CAMSAP2: variants seen among roughly 807,000 people sequenced by gnomAD.
CAMSAP2 encodes calmodulin regulated spectrin associated protein family member 2, also known as calmodulin-regulated spectrin-associated protein 2.
Under a neutral mutation model 146.1 loss-of-function variants are expected in CAMSAP2, and 26 were observed. That is an observed-to-expected ratio of 0.18 (90% confidence interval 0.13 to 0.25). CAMSAP2 has a LOEUF of 0.25. Among genes scored for constraint, CAMSAP2 ranks in the 10% least tolerant of loss-of-function variants. The pLI is 1.00. For missense variants in CAMSAP2, 1,381 were observed against 1,759.3 expected (o/e 0.78, Z 3.85); for synonymous variants, 499 against 596.6 (o/e 0.84, Z 2.38).
At chr1:200,821,365 T>G (rs976299292) in intron 4 of CAMSAP2, among the ~76,000 whole-genome samples, 1 of 152,112 alleles carries the variant, frequency 6.6e-6, no homozygotes, top group African/African-American at 2.4e-5. Flanking sequence ...TTACTTTTTG[T>G]AGAGTCAGGG....
rs1187267054 is a variant in CAMSAP2 at position 200,844,778 on chromosome 1, C to A, written c.1022-4C>A. 10 of 1,541,720 alleles carry A rather than the reference C, an allele frequency of 6.5e-6. No individual in the cohort carries two copies. The highest frequency in any genetic ancestry group is 8.7e-6 in the Non-Finnish European group (10 of 1,144,844). On this transcript the variant is annotated splice_polypyrimidine_tract_variant and splice_region_variant and intron_variant, in intron 7 of 16. Coordinates refer to ENST00000358823, the MANE Select transcript of CAMSAP2 (RefSeq NM_203459.4). ...AGGGTGTTTTTAAAAATCTTTTATT[C>A]CAGCTGAACCTGTAAAAGATATGCC...
intron 2 of CAMSAP2, among the ~76,000 whole-genome samples, chr1:200,780,826 C>T (rs924943077): frequency 8.5e-5 from 13 of 152,192 alleles, no homozygotes; most frequent in Non-Finnish European, 1.9e-4. Context: ...TTTATAAAAA[C>T]CTGGGATGGC....
chr1:200,774,566 A>T (rs1665218474), intron 2 of CAMSAP2, among the ~76,000 whole-genome samples: 2 of 152,250 alleles, frequency 1.3e-5, no homozygotes, highest in Admixed American at 1.3e-4. Flanking sequence ...AGAGTGGTGA[A>T]AGCTGTGAAG....
chr1:200,820,570 CT>C (rs1401649915), intron 4 of CAMSAP2, among the ~76,000 whole-genome samples: 1 of 152,108 alleles, frequency 6.6e-6, no homozygotes, highest in Non-Finnish European at 1.5e-5. Flanking sequence ...TAGGTAAATG[CT>C]TATACCTCTT....
At chr1:200,835,240 A>T (rs1667155533) in intron 6 of CAMSAP2, among the ~76,000 whole-genome samples, 1 of 152,232 alleles carries the variant, frequency 6.6e-6, no homozygotes, top group African/African-American at 2.4e-5. Flanking sequence ...GAACTACAGA[A>T]TGCAAGTGTG....
intron 2 of CAMSAP2, among the ~76,000 whole-genome samples, chr1:200,798,210 A>G (rs1408160744): frequency 7.7e-4 from 114 of 148,772 alleles, no homozygotes; most frequent in African/African-American, 2.7e-3. Flanking sequence ...GAAGAAAGTC[A>G]TTGGTAGCTT....
chr1:200,759,729 G>A (rs1571723600), intron 1 of CAMSAP2, among the ~76,000 whole-genome samples: 1 of 152,168 alleles, frequency 6.6e-6, no homozygotes, highest in Non-Finnish European at 1.5e-5. Context: ...GGACTGGCTA[G>A]GTCTCAGGAC....
chr1:200,830,433 C>T (rs1667013705), intron 4 of CAMSAP2, among the ~76,000 whole-genome samples: 1 of 152,200 alleles, frequency 6.6e-6, no homozygotes, highest in Non-Finnish European at 1.5e-5. Flanking sequence ...ACCCTGGGTG[C>T]TTGGCTTAGT....
At chr1:200,758,273 C>T (rs1664701485) in intron 1 of CAMSAP2, among the ~76,000 whole-genome samples, 1 of 152,120 alleles carries the variant, frequency 6.6e-6, no homozygotes, top group Non-Finnish European at 1.5e-5. Flanking sequence ...TGCCAAATAA[C>T]TTATATTAGC....
At chr1:200,834,069 A>G (rs1364459438) in intron 6 of CAMSAP2, among the ~76,000 whole-genome samples, 1 of 152,192 alleles carries the variant, frequency 6.6e-6, no homozygotes, top group Non-Finnish European at 1.5e-5. Context: ...TAAATGTTAA[A>G]AATAATAATC....
At chr1:200,847,733 G>C in intron 10 of CAMSAP2, 24 bp downstream of exon 10, 1 of 1,564,592 alleles carries the variant, frequency 6.4e-7, no homozygotes, top group East Asian at 2.2e-5. Flanking sequence ...ATTACTTTTA[G>C]TGTATTCAGA....
chr1:200,837,628 A>G (rs752124327), intron 6 of CAMSAP2, among the ~76,000 whole-genome samples: 2 of 152,176 alleles, frequency 1.3e-5, no homozygotes, highest in Non-Finnish European at 2.9e-5. Context: ...TGGTAGTTTA[A>G]TAAGAATAGC....
At chr1:200,756,640 A>G (rs6656966) in intron 1 of CAMSAP2, among the ~76,000 whole-genome samples, 43,709 of 152,018 alleles carry the variant, frequency 0.29, 7,209 homozygotes, top group Non-Finnish European at 0.39. Context: ...TGTCACAGAA[A>G]TTAAGTGTGG....
At chr1:200,772,286 A>G (rs1348288552) in intron 2 of CAMSAP2, among the ~76,000 whole-genome samples, 1 of 152,174 alleles carries the variant, frequency 6.6e-6, no homozygotes, top group Non-Finnish European at 1.5e-5. Flanking sequence ...TGCATGACCC[A>G]TGAATGGGTT....
intron 6 of CAMSAP2, among the ~76,000 whole-genome samples, chr1:200,841,267 G>A (rs984418438): frequency 9.9e-5 from 15 of 152,204 alleles, no homozygotes; most frequent in African/African-American, 3.4e-4. Flanking sequence ...TTTTGTTTAA[G>A]ACGGAGTCTT....
At chr1:200,817,251 TGTGTGTGTATATAC>T (rs1389164453) in intron 4 of CAMSAP2, among the ~76,000 whole-genome samples, 2 of 10,678 alleles carry the variant, frequency 1.9e-4, no homozygotes, top group East Asian at 0.033. Flanking sequence ...TACACACATA[TGTGTGTGTATATAC>T]ACACATATAT....
chr1:200,811,562 C>G (rs187642530), intron 3 of CAMSAP2, among the ~76,000 whole-genome samples: 1 of 152,238 alleles, frequency 6.6e-6, no homozygotes, highest in South Asian at 2.1e-4. Flanking sequence ...TGAATTCTTT[C>G]TTGCTTCTAC....
chr1:200,739,241 G>T lies in CAMSAP2; in HGVS notation c.-587G>T, dbSNP rs138047640. Among the ~76,000 whole-genome samples the T allele has an allele frequency of 0.01, 1,576 of 152,180 alleles. 17 individuals carry two copies. Among genetic ancestry groups the T allele is most frequent in the Middle Eastern group, 0.041 (12 of 292 alleles). On this transcript the variant is annotated 5_prime_UTR_variant, in exon 1 of 17. Transcript: ENST00000358823. The surrounding 1 kb of genome is among the most constrained non-coding windows in gnomAD (Gnocchi z 4.8). The stretch of plus-strand genomic sequence containing the variant: ...GCTGCTGCGTCTCCGGCGGGCAGGG[G>T]CCGGGCTGCGCTGGGTGGGCCAGCT...
chr1:200,795,561 G>C (rs1665863452), intron 2 of CAMSAP2, among the ~76,000 whole-genome samples: 1 of 152,098 alleles, frequency 6.6e-6, no homozygotes. Flanking sequence ...GCTACATATA[G>C]TCCAGATGAA....
Sources: gnomAD v4.1 joint callset for allele counts (sites outside exome capture counted in the v4.1 genomes callset) on GRCh38, gnomAD v4.1.1 for gene constraint, Gnocchi (gnomAD v3.1) non-coding constraint, MANE v1.5 for transcripts, NCBI Gene and HGNC (gene_info 2026-07-23, HGNC 2026-07-21) for gene names.